FARP1: variants seen among roughly 807,000 people sequenced by gnomAD.
FARP1 encodes FERM, ARH/RhoGEF and pleckstrin domain protein 1.
Under a neutral mutation model 128.8 loss-of-function variants are expected in FARP1, and 52 were observed. That is an observed-to-expected ratio of 0.40 (90% CI 0.32 to 0.51). The LOEUF is 0.51. Ranked by LOEUF, FARP1 falls within the 20% of genes least tolerant of loss-of-function variation. FARP1 has a pLI of 0.45. For synonymous variants in FARP1, 580 were observed against 551.8 expected (o/e 1.05, Z -0.72); for missense variants, 1,333 against 1,367.9 (o/e 0.97, Z 0.40).
chr13:98,155,854 A>G (rs1368281431), intron 1 of FARP1, among the ~76,000 whole-genome samples: 1 of 152,086 alleles, frequency 6.6e-6, no homozygotes, highest in Non-Finnish European at 1.5e-5. Context: ...GAAGTTATAC[A>G]CTGTCACTTC....
chr13:98,229,414 C>T (rs1443962311), intron 2 of FARP1, among the ~76,000 whole-genome samples: 2 of 152,128 alleles, frequency 1.3e-5, no homozygotes, highest in Non-Finnish European at 2.9e-5. Context: ...TTATTTACAA[C>T]ATGAGGCCTC....
chr13:98,165,399 C>G (rs1174216252), intron 1 of FARP1, among the ~76,000 whole-genome samples: 3 of 151,882 alleles, frequency 2.0e-5, no homozygotes, highest in Non-Finnish European at 2.9e-5. Flanking sequence ...CAGATTGTAA[C>G]TATTGAAGAT....
At chr13:98,444,508 C>A (rs372482056) in intron 24 of FARP1, among the ~76,000 whole-genome samples, 1 of 152,288 alleles carries the variant, frequency 6.6e-6, no homozygotes, top group East Asian at 1.9e-4. Context: ...AGCATGGCCT[C>A]GGCCTCCTGA....
intron 2 of FARP1, among the ~76,000 whole-genome samples, chr13:98,274,943 C>T (rs1158838801): frequency 6.6e-6 from 1 of 152,180 alleles, no homozygotes; most frequent in African/African-American, 2.4e-5. Flanking sequence ...AGATGCTTGG[C>T]TATAACACTA....
chr13:98,384,867 T>C (rs1442458780), intron 7 of FARP1, 23 bp downstream of exon 7: 5 of 1,454,758 alleles, frequency 3.4e-6, no homozygotes, highest in African/African-American at 2.8e-5. Flanking sequence ...CTTGGCTTCA[T>C]ATTCCCTCTG....
intron 16 of FARP1, among the ~76,000 whole-genome samples, chr13:98,417,151 C>T (rs1008649979): frequency 1.3e-5 from 2 of 152,018 alleles, no homozygotes; most frequent in Admixed American, 6.6e-5. Flanking sequence ...AAGAAAGAAG[C>T]ATACAAGTAC....
Position 98,390,216 on chromosome 13 carries a change from C to T in FARP1, c.1019+96C>T, listed in dbSNP as rs576790862. 223 of 1,326,724 alleles carry T rather than the reference C, an allele frequency of 1.7e-4. 2 individuals are homozygous for T. Among genetic ancestry groups the T allele is most frequent in the Non-Finnish European group, 2.0e-4 (195 of 965,552 alleles). 82.2% of individuals were successfully genotyped at this position (1,326,724 alleles called of 1,614,324 possible). ...ACACACAGCAGGTCAGGGAGGTGAA[C>T]GCTCATTGGCCTCCAGGAGCTATGG... On this transcript the variant is annotated intron_variant, in intron 10 of 26. Coordinates refer to ENST00000319562, the MANE Select transcript of FARP1 (RefSeq NM_005766.4).
chr13:98,307,163 G>A (rs1454288039), intron 2 of FARP1, among the ~76,000 whole-genome samples: 6 of 152,174 alleles, frequency 3.9e-5, no homozygotes, highest in Admixed American at 1.3e-4. Context: ...TTATGATTCC[G>A]CAGATTAGAA....
chr13:98,261,931 A>G (rs1438804482), intron 2 of FARP1, among the ~76,000 whole-genome samples: 2 of 152,038 alleles, frequency 1.3e-5, no homozygotes, highest in Admixed American at 6.6e-5. Context: ...TCAGCATGAG[A>G]TCTGGAGGGG....
At chr13:98,207,908 CCACACACA>C (rs71111934) in intron 1 of FARP1, among the ~76,000 whole-genome samples, 2,643 of 71,530 alleles carry the variant, frequency 0.037, 47 homozygotes, top group Middle Eastern at 0.055. Flanking sequence ...ACCACCACCT[CCACACACA>C]CACACACACA....
chr13:98,255,305 C>T (rs1431496146), intron 2 of FARP1, among the ~76,000 whole-genome samples: 3 of 152,116 alleles, frequency 2.0e-5, no homozygotes, highest in Non-Finnish European at 2.9e-5. Context: ...CGAGACCATC[C>T]TGGCTAACAT....
chr13:98,287,936 G>A (rs1885269320), intron 2 of FARP1, among the ~76,000 whole-genome samples: 1 of 151,872 alleles, frequency 6.6e-6, no homozygotes, highest in African/African-American at 2.4e-5. Flanking sequence ...CGAGTAGCTG[G>A]GACTACGGGC....
intron 3 of FARP1, 58 bp from the exon 4 acceptor site, chr13:98,365,337 A>C (rs1285340486): frequency 7.6e-7 from 1 of 1,317,288 alleles, no homozygotes; most frequent in Non-Finnish European, 1.1e-6. Context: ...AAATCTCAAA[A>C]TACTTGCACT....
rs148820265 is a variant in FARP1, at chr13:98,410,377, C to T, written c.1603-357C>T. On this transcript the variant is annotated intron_variant, in intron 14 of 26. Coordinates refer to ENST00000319562, the MANE Select transcript of FARP1 (RefSeq NM_005766.4). ...ACCAACTCCACCAACGGACATAGGA[C>T]GAGACAGTTCCTTTTTTATGTATTT... Among the ~76,000 whole-genome samples, 1,259 of 152,290 alleles carry T rather than the reference C, an allele frequency of 8.3e-3. 19 individuals carry two copies. The highest frequency in any genetic ancestry group is 0.028 in the African/African-American group (1,184 of 41,556).
Position 98,385,789 on chromosome 13 carries a change from C to G in FARP1, c.734C>G (p.Ala245Gly), listed in dbSNP as rs1566941517. ...GGCACGAAGATCAATCTGGCCGTTG[C>G]CAACACGGGAATTCTAGTGTTTCAG... ...REGTKINLAVANTGILVFQGF... is the reference protein window; with the variant it reads ...REGTKINLAVGNTGILVFQGF... Residue 245 changes from alanine to glycine, a missense_variant, in exon 8 of 27, where the codon GCC becomes GGC. Physicochemically the swap from Ala to Gly is moderately conservative, Grantham distance 60. Transcript: ENST00000319562. 1.2e-6 allele frequency: 2 copies of G among 1,614,130 alleles called. No homozygotes were observed. The highest frequency in any genetic ancestry group is 8.5e-7 in the Non-Finnish European group (1 of 1,180,040).
chr13:98,412,099 G>A (rs533420903), intron 16 of FARP1, 65 bp downstream of exon 16: 66 of 1,517,720 alleles, frequency 4.3e-5, no homozygotes, highest in African/African-American at 4.0e-4. Context: ...TTTTTATGTC[G>A]TCCCTGGGTA....
intron 1 of FARP1, among the ~76,000 whole-genome samples, chr13:98,157,088 T>C (rs1876544569): frequency 6.6e-6 from 1 of 152,196 alleles, no homozygotes; most frequent in Non-Finnish European, 1.5e-5. Flanking sequence ...CATCACCGCC[T>C]CTTTATAGAG....
chr13:98,351,604 T>A (rs912167711), intron 3 of FARP1, among the ~76,000 whole-genome samples: 3 of 130,190 alleles, frequency 2.3e-5, no homozygotes, highest in South Asian at 2.5e-4. Context: ...AAAGCAAGAC[T>A]CCATCTAAAA....
intron 2 of FARP1, among the ~76,000 whole-genome samples, chr13:98,256,465 G>T (rs1269267279): frequency 6.6e-6 from 1 of 152,038 alleles, no homozygotes; most frequent in East Asian, 1.9e-4. Context: ...GGATGGTGGT[G>T]ATGGCTGCAC....
Sources: gnomAD v4.1 joint callset for allele counts (sites outside exome capture counted in the v4.1 genomes callset) on GRCh38, gnomAD v4.1.1 for gene constraint, MANE v1.5 for transcripts, NCBI Gene and HGNC (gene_info 2026-07-23, HGNC 2026-07-21) for gene names.